Variants in MSH6 observed in about 807,000 individuals in gnomAD.
MSH6 encodes mutS homolog 6, also known as DNA mismatch repair protein Msh6.
MSH6 carries 85 observed loss-of-function variants against 119.1 expected under a neutral mutation model. The ratio of observed to expected loss-of-function variants is 0.71; its 90% CI spans 0.60 to 0.85. MSH6 has a LOEUF of 0.85. MSH6 is among the 40% of genes least tolerant of loss of function. The pLI, the probability that MSH6 is intolerant of heterozygous loss-of-function variation, is 0.00. For synonymous variants in MSH6, 830 were observed against 586.9 expected (o/e 1.41, Z -5.99); for missense variants, 2,163 against 1,655.3 (o/e 1.31, Z -5.32).
intron 1 of MSH6, among the ~76,000 whole-genome samples, chr2:47,790,012 G>T (rs1558651191): frequency 6.6e-6 from 1 of 151,830 alleles, no homozygotes; most frequent in Admixed American, 6.6e-5. Flanking sequence ...TTAAATTTTT[G>T]ATTTAAAATT....
At chr2:47,806,751 C>CTTTTTTTTTTTTTTTTTTTAAAAA in intron 9 of MSH6, 28 bp from the exon 10 acceptor site, 2 of 1,444,230 alleles carry the variant, frequency 1.4e-6, no homozygotes, top group Non-Finnish European at 1.9e-6. Flanking sequence ...AACAAAAAAA[C>CTTTTTTTTTTTTTTTTTTTAAAAA]TTTTTTTTTT....
chr2:47,791,001 A>C lies in MSH6; in HGVS notation c.335A>C (p.Asn112Thr), dbSNP rs587779934. Residue 112 changes from asparagine to threonine, a missense_variant, in exon 2 of 10, where the codon AAC becomes ACC. Asn to Thr is a moderately conservative substitution (Grantham distance 65). Coordinates refer to ENST00000234420, the MANE Select transcript of MSH6 (RefSeq NM_000179.3). The stretch of plus-strand genomic sequence containing the variant: ...CCCTGGTGGCCTTGTCTGGTTTACA[A>C]CCACCCCTTTGATGGAACATTCATC... ...GYPWWPCLVY[N>T]HPFDGTFIRE... 6.2e-7 allele frequency: 1 copy of C among 1,614,226 alleles called. No individual in the cohort carries two copies. The highest frequency in any genetic ancestry group is 8.5e-7 in the Non-Finnish European group (1 of 1,180,046).
At chr2:47,807,979 A>G (rs1437939782), downstream of MSH6, 1 of 751,690 alleles carries the variant, frequency 1.3e-6, no homozygotes, top group Non-Finnish European at 2.2e-6. Context: ...CTTGAGCTTC[A>G]TAGTGTCAAC....
Position 47,800,368 on chromosome 2 carries a change from A to G in MSH6, c.2385A>G (p.Ile795Met), listed in dbSNP as rs1558665293. Reference sequence around the variant, plus strand: ...CTATTAATGATCGTCTAGATGCCATAGAAGACCTCATGGTTGTGCCTGACA... The same window carrying G: ...CTATTAATGATCGTCTAGATGCCATGGAAGACCTCATGGTTGTGCCTGACA... ...HYAINDRLDA[I>M]EDLMVVPDKI... is the part of the protein sequence containing the mutation. The change falls in exon 4 of 10, where the codon ATA becomes ATG. Residue 795 changes from isoleucine to methionine, a missense_variant. By Grantham distance (10) the Ile-to-Met change is conservative. Transcript: ENST00000234420. 2 of 1,614,026 alleles carry G rather than the reference A, an allele frequency of 1.2e-6. No homozygotes were observed. Among genetic ancestry groups the G allele is most frequent in the African/African-American group, 2.7e-5 (2 of 74,920 alleles).
In MSH6 at chr2:47,806,767, T is replaced by TTAA. The variant is rs1558395369; in HGVS notation, c.4002-11_4002-10insAAT. 1.5e-5 allele frequency: 24 copies of TTAA among 1,585,516 alleles called. No homozygotes were observed. Among genetic ancestry groups the TTAA allele is most frequent in the Non-Finnish European group, 2.1e-5 (24 of 1,166,718 alleles). On this transcript the variant is annotated splice_polypyrimidine_tract_variant and intron_variant, in intron 9 of 9. Coordinates refer to ENST00000234420, the MANE Select transcript of MSH6 (RefSeq NM_000179.3). ...ACAAAAAAACTTTTTTTTTTTTTTT[T>TTAA]TTAATTTTAAGGGAAGTTTGCCTGG...
intron 2 of MSH6, among the ~76,000 whole-genome samples, chr2:47,795,055 A>G (rs1668986552): frequency 3.3e-5 from 5 of 152,132 alleles, no homozygotes; most frequent in Admixed American, 3.3e-4. Flanking sequence ...TGCCTCCCAG[A>G]GTGCTGGGAT....
intron 2 of MSH6, among the ~76,000 whole-genome samples, chr2:47,794,822 T>C (rs906173225): frequency 6.6e-6 from 1 of 151,824 alleles, no homozygotes; most frequent in Non-Finnish European, 1.5e-5. Context: ...TGAGATGGAG[T>C]CTTGCTCTGT....
At chr2:47,808,184 T>G (rs533101051), downstream of MSH6, 11 of 1,613,572 alleles carry the variant, frequency 6.8e-6, no homozygotes, top group African/African-American at 1.2e-4. Context: ...CTGTATCATG[T>G]GTAGGCTCAC....
intron 4 of MSH6, 37 bp downstream of exon 4, chr2:47,801,192 AAGT>A: frequency 1.9e-6 from 3 of 1,601,724 alleles, no homozygotes; most frequent in Non-Finnish European, 2.5e-6. Context: ...AGGCTTTGAT[AAGT>A]AGTGCTGTTT....
At chr2:47,803,738 T>C (rs570059833) in intron 5 of MSH6, 53 bp downstream of exon 5, 1 of 1,603,410 alleles carries the variant, frequency 6.2e-7, no homozygotes, top group Non-Finnish European at 8.5e-7. Flanking sequence ...ACATTAGGAA[T>C]AACATACTTA....
chr2:47,800,423 A>C lies in MSH6; in HGVS notation c.2440A>C (p.Lys814Gln), dbSNP rs1064793190. 1 of 1,614,074 alleles carries C rather than the reference A, an allele frequency of 6.2e-7. No individual in the cohort carries two copies. The highest frequency in any genetic ancestry group is 8.5e-7 in the Non-Finnish European group (1 of 1,180,018). ...CTCCGAAGTTGTAGAGCTTCTAAAG[A>C]AGCTTCCAGATCTTGAGAGGCTACT... ...KISEVVELLK[K>Q]LPDLERLLSK... is the part of the protein sequence containing the mutation. Residue 814 changes from lysine to glutamine, a missense_variant, in exon 4 of 10, where the codon AAG becomes CAG. Transcript: ENST00000234420.
rs566982312 is a variant in MSH6, at chr2:47,803,775, A to G, written c.3438+90A>G. Reference sequence around the variant, plus strand: ...GTGATCATTTTCCAAACACAGTTACATAAAAGTCAGCCAGTGACTTAATAG... The same window carrying G: ...GTGATCATTTTCCAAACACAGTTACGTAAAAGTCAGCCAGTGACTTAATAG... On this transcript the variant is annotated intron_variant, in intron 5 of 9. Transcript: ENST00000234420. 149 of 1,509,000 alleles carry G rather than the reference A, an allele frequency of 9.9e-5. 2 individuals are homozygous for G. The African/African-American group carries it at 1.5e-3, about 16-fold the overall frequency. The allele number at this position is 1,509,000 out of a possible 1,614,324, so 93.5% of individuals were successfully genotyped here. A position where few individuals can be genotyped will look rare whatever the true frequency, so the allele number is the denominator to read the frequency against.
chr2:47,798,528 C>G (rs773701508), intron 3 of MSH6, 83 bp from the exon 4 acceptor site: 5 of 1,485,430 alleles, frequency 3.4e-6, no homozygotes, highest in Non-Finnish European at 4.6e-6. Flanking sequence ...ATTATAAAGT[C>G]AAAAAATCAT....
At chr2:47,806,068 A>G in intron 7 of MSH6, 136 bp from the exon 8 acceptor site, 1 of 836,894 alleles carries the variant, frequency 1.2e-6, no homozygotes, top group East Asian at 2.6e-5. Context: ...GTAGCTAAAC[A>G]AGGCCTATTT....
chr2:47,801,162 CTT>C lies in MSH6; in HGVS notation c.3172+9_3172+10del, dbSNP rs878853730. On this transcript the variant is annotated splice_region_variant and intron_variant, in intron 4 of 9. Coordinates refer to ENST00000234420, the MANE Select transcript of MSH6 (RefSeq NM_000179.3). ...GAGTGTATCGCAGTGTTGGGTAAGACTTTGAACAAGCTTGTTCTCAGGCTTTG... is the reference window on the plus strand; with the variant it reads ...GAGTGTATCGCAGTGTTGGGTAAGACTGAACAAGCTTGTTCTCAGGCTTTG... The C allele has an allele frequency of 6.2e-6, 10 of 1,608,026 alleles. No individual in the cohort carries two copies. Among genetic ancestry groups the C allele is most frequent in the East Asian group, 2.2e-5 (1 of 44,886 alleles).
chr2:47,801,333 A>G (rs1210290114), intron 4 of MSH6, 178 bp downstream of exon 4: 4 of 261,358 alleles, frequency 1.5e-5, no homozygotes, highest in Non-Finnish European at 2.6e-5. Context: ...ACTCGCTTTT[A>G]TCTTAGTAGC....
rs182871847 is a variant in MSH6 at position 47,806,198 on chromosome 2, T to A, written c.3647-6T>A. 371 of 1,613,734 alleles carry A rather than the reference T, an allele frequency of 2.3e-4. No individual in the cohort carries two copies. In the African/African-American group the frequency reaches 4.0e-3, roughly 17 times the overall value. ...TTACTTCCTTATGCATATTTTACTT[T>A]AACAGGAAGAGGTACTGCAACATTT... On this transcript the variant is annotated splice_polypyrimidine_tract_variant and splice_region_variant and intron_variant, in intron 7 of 9. Transcript: ENST00000234420.
In MSH6 at chr2:47,796,676, A is replaced by AG. The variant is rs369057568; in HGVS notation, c.627+617dup. On this transcript the variant is annotated intron_variant, in intron 3 of 9. Coordinates refer to ENST00000234420, the MANE Select transcript of MSH6 (RefSeq NM_000179.3). ...TGGATAAAGTGAATTAAAACTTGTT[A>AG]GGGGCCAGGTGTGGTGGTTAATGCC... Among the ~76,000 whole-genome samples the AG allele has an allele frequency of 8.3e-4, 126 of 152,348 alleles. 1 individual carries two copies. The highest frequency in any genetic ancestry group is 2.9e-3 in the African/African-American group (120 of 41,592).
intron 1 of MSH6, among the ~76,000 whole-genome samples, chr2:47,786,557 C>T (rs1668363983): frequency 6.6e-6 from 1 of 152,070 alleles, no homozygotes; most frequent in South Asian, 2.1e-4. Flanking sequence ...CAGTCGTGAA[C>T]TCCTGACCTC....
Sources: gnomAD v4.1 joint callset for allele counts (sites outside exome capture counted in the v4.1 genomes callset) on GRCh38, gnomAD v4.1.1 for gene constraint, MANE v1.5 for transcripts, NCBI Gene and HGNC (gene_info 2026-07-23, HGNC 2026-07-21) for gene names.